MKKS: variants seen among roughly 807,000 people sequenced by gnomAD.
MKKS encodes the protein molecular chaperone MKKS.
A neutral mutation model predicts 33.2 loss-of-function variants in MKKS; 29 were observed. The observed-to-expected ratio is 0.87, with a 90% CI of 0.65 to 1.19. MKKS has a LOEUF of 1.19. Among genes scored for constraint, MKKS ranks in the 50% most tolerant of loss-of-function variants. The pLI, the probability that MKKS is intolerant of heterozygous loss-of-function variation, is 0.00. For synonymous variants in MKKS, 260 were observed against 244.0 expected (o/e 1.07, Z -0.61); for missense variants, 661 against 662.3 (o/e 1.00, Z 0.02).
chr20:10,433,782 G>A (rs571724141), intron 1 of MKKS, among the ~76,000 whole-genome samples: 15 of 152,250 alleles, frequency 9.9e-5, no homozygotes, highest in Non-Finnish European at 4.4e-5. Context: ...GGAGGGGACG[G>A]GGAGTCACAG....
At chr20:10,420,424 T>C (rs2064971570) in intron 2 of MKKS, 104 bp downstream of exon 2, 3 of 152,166 alleles carry the variant, frequency 2.0e-5, no homozygotes, top group Non-Finnish European at 4.4e-5. Context: ...AAACAACAGG[T>C]AACTTACCAA....
chr20:10,411,389 A>T (rs1015541630), intron 3 of MKKS, among the ~76,000 whole-genome samples: 2 of 152,136 alleles, frequency 1.3e-5, no homozygotes, highest in African/African-American at 4.8e-5. Context: ...CTGGGACTAC[A>T]GGCATGTACC....
At chr20:10,406,960 A>AT (rs2064848077) in intron 5 of MKKS, among the ~76,000 whole-genome samples, 1 of 152,128 alleles carries the variant, frequency 6.6e-6, no homozygotes, top group Non-Finnish European at 1.5e-5. Flanking sequence ...TTTTCTATCC[A>AT]TTTTCAAATA....
rs750747732 is a variant in MKKS, at chr20:10,404,181, CATA to C, written c.*1063_*1065del. ...ATTCAAACTACATCCCTTGGTGAAA[CATA>C]ATGTCTCTACTTTGAACATGGGAGA... On this transcript the variant is annotated 3_prime_UTR_variant, in exon 6 of 6. Transcript: ENST00000347364. 6.6e-6 allele frequency: 1 copy of C among 152,152 alleles called. No individual in the cohort carries two copies. The highest frequency in any genetic ancestry group is 1.9e-4 in the East Asian group (1 of 5,202). 9.4% of individuals were successfully genotyped at this position (152,152 alleles called of 1,614,324 possible).
intron 1 of MKKS, among the ~76,000 whole-genome samples, chr20:10,428,995 C>A (rs939220727): frequency 6.6e-6 from 1 of 152,154 alleles, no homozygotes; most frequent in Non-Finnish European, 1.5e-5. Context: ...CTCTTAAGGG[C>A]CTTTCTCTTT....
In MKKS at chr20:10,408,611, CA is replaced by C. The variant is rs1178282246; in HGVS notation, c.1161+16del. Reference sequence around the variant, plus strand: ...TCCCTCAGCCTCTGCATATGGAATTCAAAGTTCATTACCTACCTTCAGCTCA... The same window carrying C: ...TCCCTCAGCCTCTGCATATGGAATTCAAGTTCATTACCTACCTTCAGCTCA... On this transcript the variant is annotated intron_variant, in intron 4 of 5. Transcript: ENST00000347364. 5 of 1,613,300 alleles carry C rather than the reference CA, an allele frequency of 3.1e-6. No homozygotes were observed. Among genetic ancestry groups the C allele is most frequent in the Non-Finnish European group, 4.2e-6 (5 of 1,179,440 alleles).
At chr20:10,412,486 T>A in intron 3 of MKKS, 44 bp downstream of exon 3, 1 of 1,597,004 alleles carries the variant, frequency 6.3e-7, no homozygotes, top group Non-Finnish European at 8.5e-7. Context: ...CAAAAAAGTG[T>A]GATTTATTAA....
intron 1 of MKKS, among the ~76,000 whole-genome samples, chr20:10,430,914 C>T (rs1353725870): frequency 1.3e-5 from 2 of 152,184 alleles, no homozygotes; most frequent in African/African-American, 2.4e-5. Flanking sequence ...TCTGAAACAA[C>T]GTTTTACATA....
At chr20:10,432,157 G>GT (rs1394188809) in intron 1 of MKKS, among the ~76,000 whole-genome samples, 3 of 152,170 alleles carry the variant, frequency 2.0e-5, no homozygotes, top group Non-Finnish European at 4.4e-5. Context: ...TCAATCAAGG[G>GT]GTATAAAAGC....
At chr20:10,433,603 T>G (rs763538445) in intron 1 of MKKS, among the ~76,000 whole-genome samples, 27 of 152,200 alleles carry the variant, frequency 1.8e-4, no homozygotes, top group Non-Finnish European at 3.5e-4. Context: ...GGGTCATCCC[T>G]ACAAGGTCCA....
At chr20:10,429,929 T>C (rs2065042752) in intron 1 of MKKS, among the ~76,000 whole-genome samples, 1 of 152,242 alleles carries the variant, frequency 6.6e-6, no homozygotes, top group Non-Finnish European at 1.5e-5. Flanking sequence ...TGTGTTTTAA[T>C]TAATTCTTTA....
At chr20:10,431,620 A>T (rs1434760909) in intron 1 of MKKS, 18 of 152,180 alleles carry the variant, frequency 1.2e-4, no homozygotes, top group African/African-American at 3.9e-4. Context: ...TCATTTTTCA[A>T]AATCATAGTT....
At chr20:10,416,932 CTATAT>C (rs2064942971) in intron 2 of MKKS, among the ~76,000 whole-genome samples, 1 of 152,118 alleles carries the variant, frequency 6.6e-6, no homozygotes, top group South Asian at 2.1e-4. Flanking sequence ...GGTATAGACA[CTATAT>C]GATCTGCAAA....
intron 2 of MKKS, among the ~76,000 whole-genome samples, chr20:10,416,645 T>C (rs2064940969): frequency 6.6e-6 from 1 of 152,230 alleles, no homozygotes; most frequent in South Asian, 2.1e-4. Flanking sequence ...GCTTTCCTTG[T>C]ATAAATGCAT....
intron 3 of MKKS, among the ~76,000 whole-genome samples, chr20:10,409,918 C>CAG (rs1301557449): frequency 5.7e-5 from 7 of 122,962 alleles, no homozygotes; most frequent in South Asian, 2.6e-4. Flanking sequence ...TTGCAGTGAG[C>CAG]AGTGAGCTGA....
rs554492765 is a variant in MKKS at position 10,404,611 on chromosome 20, A to G, written c.*636T>C. On this transcript the variant is annotated 3_prime_UTR_variant, in exon 6 of 6. Coordinates refer to ENST00000347364, the MANE Select transcript of MKKS (RefSeq NM_170784.3). ...CAATGTTGCTTTAGCCTTGGTTACT[A>G]TATAAATCTACTTTTTCCCCCCAAA... is the stretch of plus-strand genomic sequence containing the variant. The G allele has an allele frequency of 6.6e-5, 10 of 152,264 alleles. No individual in the cohort carries two copies. Among genetic ancestry groups the G allele is most frequent in the African/African-American group, 2.4e-4 (10 of 41,528 alleles). The allele number at this position is 152,264 out of a possible 1,614,324, so 9.4% of individuals were successfully genotyped here.
Position 10,405,035 on chromosome 20 carries a change from T to A in MKKS, c.*212A>T, listed in dbSNP as rs2064831095. 1 of 434,578 alleles carries A rather than the reference T, an allele frequency of 2.3e-6. No individual in the cohort carries two copies. Among genetic ancestry groups the A allele is most frequent in the African/African-American group, 2.0e-5 (1 of 50,464 alleles). 26.9% of individuals were successfully genotyped at this position (434,578 alleles called of 1,614,324 possible). A position where few individuals can be genotyped will look rare whatever the true frequency, so the allele number is the denominator to read the frequency against. The stretch of plus-strand genomic sequence containing the variant: ...ATCCCTAAGATAACTATAATATTTT[T>A]AAATAAATAATGCTTCATATTTTTA... On this transcript the variant is annotated 3_prime_UTR_variant, in exon 6 of 6. Transcript: ENST00000347364.
In MKKS at chr20:10,423,838, T is replaced by C. The variant is rs551518040; in HGVS notation, c.-648-3080A>G. 1.4e-4 allele frequency among the ~76,000 whole-genome samples: 22 copies of C among 152,342 alleles called. No homozygotes were observed. The South Asian group carries it at 4.4e-3, about 30-fold the overall frequency. ...GTATCTATTTTAACTGAAAACTCTA[T>C]TTGCTAAACATCACTGAGACTCAGT... is the stretch of plus-strand genomic sequence containing the variant. On this transcript the variant is annotated intron_variant, in intron 1 of 5. Transcript: ENST00000347364.
At position 10,412,984 on chromosome 20, in the gene MKKS, C is replaced by G. The variant is rs1260865631; in HGVS notation, c.531G>C (p.Leu177Phe). 5 of 1,613,948 alleles carry G rather than the reference C, an allele frequency of 3.1e-6. No individual in the cohort carries two copies. The Admixed American group carries it at 8.3e-5, about 27-fold the overall frequency. The change falls in exon 3 of 6, where the codon TTG becomes TTC. Residue 177 changes from leucine to phenylalanine, a missense_variant. Transcript: ENST00000347364. Reference protein sequence around the residue: ...TRKETEHVSALILRAFLLTIP... With the variant: ...TRKETEHVSAFILRAFLLTIP... ...TTGTAAGCAAAAAGGCTCTCAGGAT[C>G]AAAGCACTGACATGCTCTGTTTCCT...
Sources: allele counts gnomAD v4.1 joint callset (sites outside exome capture counted in the v4.1 genomes callset), GRCh38; gene constraint gnomAD v4.1.1; transcripts MANE v1.5; gene names NCBI Gene and HGNC (gene_info 2026-07-23, HGNC 2026-07-21).